The following NHERF1 variants were observed in gnomAD, a reference collection of about 807,000 sequenced individuals.
NHERF1 encodes NHERF family PDZ scaffold protein 1, also known as Na(+)/H(+) exchange regulatory cofactor NHE-RF1.
the NHERF1 span, among the ~76,000 whole-genome samples, chr17:74,767,701 G>A: frequency 6.6e-6 from 1 of 152,168 alleles, no homozygotes; most frequent in Non-Finnish European, 1.5e-5. Flanking sequence ...CAGGGTTAGG[G>A]TTTCAGGATT....
the NHERF1 span, among the ~76,000 whole-genome samples, chr17:74,758,172 G>C: frequency 6.6e-6 from 1 of 152,238 alleles, no homozygotes; most frequent in African/African-American, 2.4e-5. This position sits in a 1 kb window ranked among gnomAD's most constrained non-coding sequence, Gnocchi z 4.3. Context: ...TTAGGGTATC[G>C]ACTTTCCCCA....
the NHERF1 span, among the ~76,000 whole-genome samples, chr17:74,760,598 C>G: frequency 6.6e-6 from 1 of 152,146 alleles, no homozygotes; most frequent in South Asian, 2.1e-4. This position sits in a 1 kb window ranked among gnomAD's most constrained non-coding sequence, Gnocchi z 4.5. Context: ...CTTCCCACCC[C>G]TCTCGGCCCT....
At chr17:74,766,539 A>T in the NHERF1 span, among the ~76,000 whole-genome samples, 1 of 151,950 alleles carries the variant, frequency 6.6e-6, no homozygotes, top group African/African-American at 2.4e-5. Context: ...AAATGAAATT[A>T]AAAATATCAA....
chr17:74,767,613 C>T, the NHERF1 span, among the ~76,000 whole-genome samples: 1 of 152,198 alleles, frequency 6.6e-6, no homozygotes, highest in South Asian at 2.1e-4. Flanking sequence ...GGACCCAGCC[C>T]TCAACCTTCT....
At chr17:74,762,192 T>TTCC in the NHERF1 span, 1 of 1,613,366 alleles carries the variant, frequency 6.2e-7, no homozygotes, top group Non-Finnish European at 8.5e-7. This position sits in a 1 kb window ranked among gnomAD's most constrained non-coding sequence, Gnocchi z 4.2. Context: ...TCTCGCTCTC[T>TTCC]TCCTATCTGA....
chr17:74,758,747 C>A, the NHERF1 span, among the ~76,000 whole-genome samples: 1 of 152,210 alleles, frequency 6.6e-6, no homozygotes, highest in East Asian at 1.9e-4. The surrounding 1 kb of genome is among the most constrained non-coding windows in gnomAD (Gnocchi z 4.3). Context: ...ATCCCCTTTC[C>A]CCAGAGGCAG....
chr17:74,763,586 GGCTAAGACT>G, the NHERF1 span: 1 of 1,500,902 alleles, frequency 6.7e-7, no homozygotes, highest in Non-Finnish European at 9.1e-7. Context: ...TGTGAGCCAG[GGCTAAGACT>G]GCTGGGTCCC....
the NHERF1 span, among the ~76,000 whole-genome samples, chr17:74,752,785 C>T: frequency 1.3e-5 from 2 of 152,262 alleles, no homozygotes; most frequent in South Asian, 4.1e-4. Flanking sequence ...TTTTATCGCT[C>T]TAAACACACA....
chr17:74,751,378 G>T, the NHERF1 span, among the ~76,000 whole-genome samples: 3 of 152,262 alleles, frequency 2.0e-5, no homozygotes, highest in Non-Finnish European at 2.9e-5. The surrounding 1 kb of genome is among the most constrained non-coding windows in gnomAD (Gnocchi z 4.3). Flanking sequence ...TCAAATGGAG[G>T]TTTGCCAATT....
chr17:74,763,157 A>G, the NHERF1 span: 1 of 534,068 alleles, frequency 1.9e-6, no homozygotes, highest in Non-Finnish European at 3.3e-6. Flanking sequence ...GGCCCTTCCC[A>G]TGTATCCTGC....
the NHERF1 span, among the ~76,000 whole-genome samples, chr17:74,755,924 T>A: frequency 6.6e-6 from 1 of 151,720 alleles, no homozygotes; most frequent in African/African-American, 2.4e-5. Flanking sequence ...TACATTATGT[T>A]AAATAAAATA....
At chr17:74,768,068 C>G in the NHERF1 span, 1 of 1,001,294 alleles carries the variant, frequency 1.0e-6, no homozygotes, top group African/African-American at 1.6e-5. Context: ...GAGGCCCCTA[C>G]TTCCCCAGGA....
chr17:74,768,334 G>A, the NHERF1 span: 13 of 1,378,452 alleles, frequency 9.4e-6, no homozygotes, highest in East Asian at 2.7e-4. Flanking sequence ...GAGGTCACAT[G>A]CTGAGCCGCA....
At chr17:74,748,973 G>C in the NHERF1 span, 1 of 1,607,418 alleles carries the variant, frequency 6.2e-7, no homozygotes. The surrounding 1 kb of genome is among the most constrained non-coding windows in gnomAD (Gnocchi z 4.3). Context: ...CCGGCTGGTG[G>C]AGCCCGGCTC....
chr17:74,763,631 C>T, the NHERF1 span: 1 of 1,089,234 alleles, frequency 9.2e-7, no homozygotes, highest in Non-Finnish European at 1.3e-6. Context: ...AGCTTCCCGG[C>T]ATGGGTGCTC....
the NHERF1 span, chr17:74,748,836 C>T: frequency 6.3e-7 from 1 of 1,585,826 alleles, no homozygotes; most frequent in Non-Finnish European, 8.5e-7. This position sits in a 1 kb window ranked among gnomAD's most constrained non-coding sequence, Gnocchi z 4.3. Flanking sequence ...GCTGACCCGT[C>T]GCAGGGCGAG....
chr17:74,759,375 G>A, the NHERF1 span, among the ~76,000 whole-genome samples: 1 of 152,200 alleles, frequency 6.6e-6, no homozygotes, highest in Non-Finnish European at 1.5e-5. Flanking sequence ...CTGGAGCTTT[G>A]GCACCATATG....
At chr17:74,764,038 C>T in the NHERF1 span, among the ~76,000 whole-genome samples, 1 of 152,220 alleles carries the variant, frequency 6.6e-6, no homozygotes, top group Non-Finnish European at 1.5e-5. The surrounding 1 kb of genome is among the most constrained non-coding windows in gnomAD (Gnocchi z 4.9). Flanking sequence ...CCCCTGCCCT[C>T]CCCATCCCCC....
the NHERF1 span, chr17:74,762,177 A>G: frequency 3.7e-6 from 6 of 1,613,874 alleles, no homozygotes; most frequent in South Asian, 4.4e-5. This position sits in a 1 kb window ranked among gnomAD's most constrained non-coding sequence, Gnocchi z 4.2. Context: ...TGTGGAGGTG[A>G]TGCTTCTCGC....
Sources: allele counts gnomAD v4.1 joint callset (sites outside exome capture counted in the v4.1 genomes callset), GRCh38; gene constraint gnomAD v4.1.1; non-coding constraint Gnocchi (gnomAD v3.1); transcripts MANE v1.5; gene names NCBI Gene and HGNC (gene_info 2026-07-23, HGNC 2026-07-21).